The following PLXNA4 variants were observed in gnomAD, a reference collection of about 807,000 sequenced individuals.
The protein encoded by PLXNA4 is plexin-A4.
PLXNA4 carries 44 observed loss-of-function variants against 191.8 expected under a neutral mutation model. The observed-to-expected ratio is 0.23, with a 90% CI of 0.18 to 0.29. The LOEUF (loss-of-function observed/expected upper bound fraction) is 0.29. Ranked by LOEUF, PLXNA4 falls within the 10% of genes least tolerant of loss-of-function variation. The pLI is 1.00. For synonymous variants in PLXNA4, 1,082 were observed against 1,009.5 expected, an observed-to-expected ratio of 1.07 and a Z score of -1.36; for missense variants, 1,800 against 2,488.8, an observed-to-expected ratio of 0.72 and a Z score of 5.89.
chr7:132,329,143 G>A (rs1010540749), intron 3 of PLXNA4, among the ~76,000 whole-genome samples: 4 of 152,154 alleles, frequency 2.6e-5, no homozygotes, highest in Non-Finnish European at 2.9e-5. Context: ...CCTAAGTTTG[G>A]GAACTGCTGC....
At chr7:132,461,953 A>G (rs1796523232) in intron 3 of PLXNA4, among the ~76,000 whole-genome samples, 1 of 152,262 alleles carries the variant, frequency 6.6e-6, no homozygotes, top group Non-Finnish European at 1.5e-5. Context: ...TGGAAAATTT[A>G]CAATGTTGCA....
chr7:132,159,573 G>T lies in PLXNA4; in HGVS notation c.4560C>A (p.Leu1520=), dbSNP rs1194844066. ...ANSPEVPVKI[L]NCDTITQVKE... is the part of the protein sequence containing the mutation. The stretch of plus-strand genomic sequence containing the variant: ...TGACCTGAGTGATGGTGTCACAGTT[G>T]AGGATCTTTACTGGGACCTCGGGGC... The change falls in exon 25 of 32, where the codon CTC becomes CTA. Residue 1520 remains leucine, a synonymous_variant. Coordinates refer to ENST00000321063, the MANE Select transcript of PLXNA4 (RefSeq NM_020911.2). The T allele has an allele frequency of 1.9e-6, 3 of 1,614,158 alleles. No individual in the cohort carries two copies. Among genetic ancestry groups the T allele is most frequent in the Middle Eastern group, 1.6e-4 (1 of 6,062 alleles).
intron 3 of PLXNA4, among the ~76,000 whole-genome samples, chr7:132,332,867 GAAAAA>G (rs537591833): frequency 1.0e-5 from 1 of 98,582 alleles, no homozygotes; most frequent in Non-Finnish European, 2.2e-5. Flanking sequence ...CTCAAAAAAA[GAAAAA>G]AAAAAAAAAG....
chr7:132,177,255 CTG>C (rs1796506676), intron 20 of PLXNA4, among the ~76,000 whole-genome samples: 2 of 152,114 alleles, frequency 1.3e-5, no homozygotes, highest in Non-Finnish European at 2.9e-5. Context: ...GTGTGTGGGC[CTG>C]TGTGGGAGTG....
intron 3 of PLXNA4, among the ~76,000 whole-genome samples, chr7:132,417,520 C>T (rs925038867): frequency 3.9e-5 from 6 of 152,138 alleles, no homozygotes; most frequent in Non-Finnish European, 5.9e-5. Context: ...TTCACAAATT[C>T]CTTGAGGGCA....
chr7:132,438,912 T>C (rs1339908114), intron 3 of PLXNA4, among the ~76,000 whole-genome samples: 4 of 152,218 alleles, frequency 2.6e-5, no homozygotes, highest in Non-Finnish European at 1.5e-5. Flanking sequence ...CAGGTTTATA[T>C]GAAACATATG....
intron 9 of PLXNA4, among the ~76,000 whole-genome samples, chr7:132,218,322 A>G (rs1431818495): frequency 6.6e-6 from 1 of 152,204 alleles, no homozygotes; most frequent in Admixed American, 6.5e-5. Flanking sequence ...CTCTGATCTT[A>G]CAACTATTCT....
chr7:132,248,601 C>A (rs1234630483), intron 4 of PLXNA4, among the ~76,000 whole-genome samples: 1 of 152,176 alleles, frequency 6.6e-6, no homozygotes, highest in East Asian at 1.9e-4. Context: ...GTAACTTGTA[C>A]AAGTTCAGAA....
chr7:132,418,915 G>A (rs1268744502), intron 3 of PLXNA4, among the ~76,000 whole-genome samples: 1 of 152,078 alleles, frequency 6.6e-6, no homozygotes, highest in African/African-American at 2.4e-5. Context: ...TGTTCCCATC[G>A]ATCACTATTG....
intron 3 of PLXNA4, among the ~76,000 whole-genome samples, chr7:132,447,515 G>A (rs886712007): frequency 6.6e-6 from 1 of 152,152 alleles, no homozygotes; most frequent in African/African-American, 2.4e-5. Context: ...AGATAGAGGT[G>A]GGAAGGGGAC....
intron 30 of PLXNA4, 36 bp downstream of exon 30, chr7:132,140,563 A>T: frequency 6.2e-7 from 1 of 1,605,570 alleles, no homozygotes; most frequent in Non-Finnish European, 8.5e-7. Flanking sequence ...GGCTCCAGCA[A>T]GGGGCCCTGA....
chr7:132,242,838 A>C (rs1798927516), intron 4 of PLXNA4, among the ~76,000 whole-genome samples: 1 of 152,116 alleles, frequency 6.6e-6, no homozygotes, highest in Non-Finnish European at 1.5e-5. Flanking sequence ...AGTTCCTTAC[A>C]AATTACCCAC....
intron 2 of PLXNA4, among the ~76,000 whole-genome samples, chr7:132,623,826 C>G (rs534343559): frequency 6.6e-6 from 1 of 152,192 alleles, no homozygotes; most frequent in Non-Finnish European, 1.5e-5. Flanking sequence ...GGCAGACCAC[C>G]AAATGTGAAC....
intron 5 of PLXNA4, among the ~76,000 whole-genome samples, chr7:132,237,012 G>T (rs920094356): frequency 6.6e-6 from 1 of 152,180 alleles, no homozygotes; most frequent in Non-Finnish European, 1.5e-5. Context: ...GGGAAGAAAG[G>T]CCCACTGGGA....
At chr7:132,556,444 A>C (rs1173473977) in intron 1 of PLXNA4, among the ~76,000 whole-genome samples, 1 of 152,240 alleles carries the variant, frequency 6.6e-6, no homozygotes, top group Admixed American at 6.5e-5. Context: ...GTAGGGTAGA[A>C]TTGAGTCTGC....
intron 3 of PLXNA4, among the ~76,000 whole-genome samples, chr7:132,452,071 T>C (rs1476089415): frequency 1.3e-5 from 2 of 152,286 alleles, no homozygotes; most frequent in Non-Finnish European, 2.9e-5. Context: ...CAAGAGTTTC[T>C]TGCCCTTTTC....
In PLXNA4 at chr7:132,438,806, A is replaced by G. The variant is rs112030054; in HGVS notation, c.1371+50486T>C. On this transcript the variant is annotated intron_variant, in intron 3 of 31. Coordinates refer to ENST00000321063, the MANE Select transcript of PLXNA4 (RefSeq NM_020911.2). Reference sequence around the variant, plus strand: ...CTTGGTCTAATAGCTTTTTTTTTCAATCATCCTTATAGCTGATTGTCAACA... The same window carrying G: ...CTTGGTCTAATAGCTTTTTTTTTCAGTCATCCTTATAGCTGATTGTCAACA... Among the ~76,000 whole-genome samples the G allele has an allele frequency of 9.2e-3, 1,407 of 152,170 alleles. 15 individuals carry two copies. The highest frequency in any genetic ancestry group is 0.032 in the African/African-American group (1,312 of 41,534).
chr7:132,477,780 T>A (rs143686185), intron 3 of PLXNA4, among the ~76,000 whole-genome samples: 17 of 152,344 alleles, frequency 1.1e-4, no homozygotes, highest in African/African-American at 4.1e-4. Flanking sequence ...GTATTTTCTA[T>A]GTGAAGAAAA....
intron 3 of PLXNA4, among the ~76,000 whole-genome samples, chr7:132,381,693 T>C (rs762915885): frequency 6.6e-6 from 1 of 152,222 alleles, no homozygotes; most frequent in Admixed American, 6.5e-5. Context: ...TTGGGATGAA[T>C]GCGGAGTGAA....
Sources: allele counts gnomAD v4.1 joint callset (sites outside exome capture counted in the v4.1 genomes callset), GRCh38; gene constraint gnomAD v4.1.1; transcripts MANE v1.5; gene names NCBI Gene and HGNC (gene_info 2026-07-23, HGNC 2026-07-21).